The following DLGAP2 variants were observed in gnomAD, a reference collection of about 807,000 sequenced individuals.
The protein encoded by DLGAP2 is DLG associated protein 2, also known as disks large-associated protein 2.
In DLGAP2, 26 loss-of-function variants were observed where a neutral mutation model predicts 100.3. The ratio of observed to expected loss-of-function variants is 0.26; its 90% CI spans 0.19 to 0.36. The LOEUF (loss-of-function observed/expected upper bound fraction) is 0.36, where lower values mean the gene tolerates loss of function less well. Among genes scored for constraint, DLGAP2 ranks in the 10% least tolerant of loss-of-function variants. DLGAP2 has a pLI of 1.00. For missense variants in DLGAP2, 1,858 were observed against 1,453.2 expected, an observed-to-expected ratio of 1.28 and a Z score of -4.53; for synonymous variants, 886 against 630.1, an observed-to-expected ratio of 1.41 and a Z score of -6.08.
At chr8:1,204,930 C>T (rs770111044) in intron 2 of DLGAP2, among the ~76,000 whole-genome samples, 1 of 152,140 alleles carries the variant, frequency 6.6e-6, no homozygotes, top group Non-Finnish European at 1.5e-5. Flanking sequence ...GGAACAGGAG[C>T]AACAGATGAA....
chr8:1,228,491 C>A (rs539708288), intron 2 of DLGAP2, among the ~76,000 whole-genome samples: 1 of 152,306 alleles, frequency 6.6e-6, no homozygotes, highest in Non-Finnish European at 1.5e-5. Context: ...TAAAACCATA[C>A]AATGACATCA....
At chr8:1,558,786 G>A (rs1337106913) in intron 5 of DLGAP2, among the ~76,000 whole-genome samples, 5 of 146,262 alleles carry the variant, frequency 3.4e-5, no homozygotes, top group African/African-American at 7.7e-5. Context: ...ACACATATAC[G>A]CACATTACAC....
intron 2 of DLGAP2, chr8:1,018,661 T>C (rs373909349): frequency 6.4e-4 from 98 of 152,388 alleles, no homozygotes; most frequent in African/African-American, 2.1e-3. Flanking sequence ...TAATCTGTGA[T>C]ATTTAAACAA....
intron 3 of DLGAP2, among the ~76,000 whole-genome samples, chr8:1,271,029 C>A (rs1044036759): frequency 6.6e-6 from 1 of 152,042 alleles, no homozygotes; most frequent in East Asian, 1.9e-4. Flanking sequence ...GACGGATGAC[C>A]CATTTCCTAA....
chr8:1,551,855 C>T (rs1418793949), intron 5 of DLGAP2, among the ~76,000 whole-genome samples: 1 of 152,180 alleles, frequency 6.6e-6, no homozygotes, highest in Non-Finnish European at 1.5e-5. Flanking sequence ...GGTCAGTGGT[C>T]ACATTCCCCT....
intron 3 of DLGAP2, among the ~76,000 whole-genome samples, chr8:1,437,345 A>G (rs982351029): frequency 1.3e-5 from 2 of 152,270 alleles, no homozygotes. Flanking sequence ...TCACACAACC[A>G]CGAGGCCACC....
At chr8:1,594,032 T>C (rs80329283) in intron 6 of DLGAP2, among the ~76,000 whole-genome samples, 7,746 of 152,236 alleles carry the variant, frequency 0.051, 642 homozygotes, top group African/African-American at 0.17. Context: ...GATGCGATGG[T>C]GTTCTTCCCT....
chr8:1,594,330 C>A (rs1156509940), intron 6 of DLGAP2, among the ~76,000 whole-genome samples: 2 of 152,024 alleles, frequency 1.3e-5, no homozygotes, highest in Non-Finnish European at 2.9e-5. Flanking sequence ...TATGAAGATG[C>A]CCCCTAAGGT....
intron 3 of DLGAP2, among the ~76,000 whole-genome samples, chr8:1,426,401 C>G (rs1311655575): frequency 2.0e-5 from 3 of 152,106 alleles, no homozygotes. Context: ...AACAAATGAA[C>G]AGCATGAAGC....
At chr8:1,566,135 A>G (rs949440423) in intron 6 of DLGAP2, among the ~76,000 whole-genome samples, 14 of 152,362 alleles carry the variant, frequency 9.2e-5, no homozygotes, top group African/African-American at 2.4e-4. Flanking sequence ...TTGTCAAATT[A>G]TAAAGCCAAC....
At chr8:1,417,497 G>A (rs963316011) in intron 3 of DLGAP2, among the ~76,000 whole-genome samples, 2 of 152,202 alleles carry the variant, frequency 1.3e-5, no homozygotes, top group African/African-American at 2.4e-5. Context: ...TTTCCACGGG[G>A]CTCACCAGGG....
At chr8:1,637,013 G>A (rs1797782144) in intron 8 of DLGAP2, among the ~76,000 whole-genome samples, 1 of 152,364 alleles carries the variant, frequency 6.6e-6, no homozygotes, top group Non-Finnish European at 1.5e-5. Flanking sequence ...AGCACCCCAG[G>A]TTGGAGGGAG....
intron 1 of DLGAP2, among the ~76,000 whole-genome samples, chr8:783,749 C>T (rs1821763298): frequency 6.6e-6 from 1 of 152,172 alleles, no homozygotes; most frequent in African/African-American, 2.4e-5. Flanking sequence ...GGTGTACCCT[C>T]CCACCACATC....
intron 2 of DLGAP2, among the ~76,000 whole-genome samples, chr8:1,181,354 A>G (rs1409253075): frequency 1.3e-5 from 2 of 152,262 alleles, no homozygotes; most frequent in Non-Finnish European, 1.5e-5. Flanking sequence ...ATCTTTAACA[A>G]TGGGAAGAGT....
At chr8:1,504,611 C>T (rs916147781) in intron 4 of DLGAP2, among the ~76,000 whole-genome samples, 1 of 152,214 alleles carries the variant, frequency 6.6e-6, no homozygotes, top group East Asian at 1.9e-4. Flanking sequence ...TCTATGCTTT[C>T]AGATTCCACG....
chr8:1,374,586 C>T (rs1182779396), intron 3 of DLGAP2, among the ~76,000 whole-genome samples: 4 of 152,190 alleles, frequency 2.6e-5, no homozygotes, highest in Admixed American at 2.0e-4. Flanking sequence ...AATTAAAAAT[C>T]CTTCCTGTGA....
chr8:1,126,201 A>C (rs1431170441), intron 2 of DLGAP2, among the ~76,000 whole-genome samples: 1 of 152,240 alleles, frequency 6.6e-6, no homozygotes, highest in East Asian at 1.9e-4. Flanking sequence ...GCTTTGGCAG[A>C]GCCATGGATT....
At position 1,706,456 on chromosome 8, in the gene DLGAP2, C is replaced by G. The variant is rs1585083654; in HGVS notation, c.*5050C>G. ...CGCCCTCCCAGCTCTGCAGGGCACGCTGCCAGAATCCAGGCTGGTCGTAAA... is the reference window on the plus strand; with the variant it reads ...CGCCCTCCCAGCTCTGCAGGGCACGGTGCCAGAATCCAGGCTGGTCGTAAA... On this transcript the variant is annotated 3_prime_UTR_variant, in exon 15 of 15. Transcript: ENST00000637795. The G allele has an allele frequency of 6.6e-6, 1 of 152,240 alleles. No homozygotes were observed. The highest frequency in any genetic ancestry group is 1.9e-4 in the East Asian group (1 of 5,192). 9.4% of individuals were successfully genotyped at this position (152,240 alleles called of 1,614,324 possible).
chr8:1,654,189 A>G (rs1031960966), intron 8 of DLGAP2, among the ~76,000 whole-genome samples: 1 of 152,216 alleles, frequency 6.6e-6, no homozygotes, highest in Non-Finnish European at 1.5e-5. Context: ...ACGCACATGC[A>G]CATATGGAGA....
Sources: gnomAD v4.1 joint callset for allele counts (sites outside exome capture counted in the v4.1 genomes callset) on GRCh38, gnomAD v4.1.1 for gene constraint, MANE v1.5 for transcripts, NCBI Gene and HGNC (gene_info 2026-07-23, HGNC 2026-07-21) for gene names.